The following SUMF1 variants were observed in gnomAD, a reference collection of about 807,000 sequenced individuals.
SUMF1 encodes the protein formylglycine-generating enzyme.
In SUMF1, 48 loss-of-function variants were observed where a neutral mutation model predicts 47.6. The observed-to-expected ratio is 1.01, with a 90% CI of 0.80 to 1.28. The LOEUF (loss-of-function observed/expected upper bound fraction) is 1.28, where lower values mean the gene tolerates loss of function less well. SUMF1 is among the 50% of genes most tolerant of loss of function. SUMF1 has a pLI of 0.00. For missense variants in SUMF1, 571 were observed against 485.4 expected, an observed-to-expected ratio of 1.18 and a Z score of -1.66; for synonymous variants, 230 against 192.1, an observed-to-expected ratio of 1.20 and a Z score of -1.63.
chr3:4,161,453 G>C (rs1362283677), intron 8 of SUMF1, among the ~76,000 whole-genome samples: 1 of 152,130 alleles, frequency 6.6e-6, no homozygotes, highest in Non-Finnish European at 1.5e-5. Context: ...CCTGGAGTTG[G>C]AAACCTTAGA....
chr3:4,039,730 G>A (rs1251512523), intron 9 of SUMF1, among the ~76,000 whole-genome samples: 2 of 152,064 alleles, frequency 1.3e-5, no homozygotes, highest in Non-Finnish European at 2.9e-5. Flanking sequence ...TAATTATAAT[G>A]TTTTGTATGG....
intron 8 of SUMF1, among the ~76,000 whole-genome samples, chr3:4,349,561 A>T (rs1699443621): frequency 6.6e-6 from 1 of 152,252 alleles, no homozygotes; most frequent in South Asian, 2.1e-4. Context: ...ACTATTTACG[A>T]TAGCAAAGAC....
At chr3:4,368,797 C>T (rs1249402048) in intron 8 of SUMF1, among the ~76,000 whole-genome samples, 5 of 152,168 alleles carry the variant, frequency 3.3e-5, no homozygotes, top group Non-Finnish European at 7.3e-5. Context: ...TCAAAAGCCT[C>T]CACATGCCAA....
At chr3:4,463,478 A>G (rs2079864967) in intron 1 of SUMF1, among the ~76,000 whole-genome samples, 1 of 152,240 alleles carries the variant, frequency 6.6e-6, no homozygotes, top group Non-Finnish European at 1.5e-5. Context: ...TGACAGAGCG[A>G]GACTCCGTCT....
chr3:4,459,063 T>G (rs1251013925), intron 1 of SUMF1, among the ~76,000 whole-genome samples: 1 of 152,140 alleles, frequency 6.6e-6, no homozygotes, highest in African/African-American at 2.4e-5. Flanking sequence ...AAAGGAAAGA[T>G]GTTGATCAGA....
intron 8 of SUMF1, among the ~76,000 whole-genome samples, chr3:4,096,079 G>A (rs929993987): frequency 5.3e-5 from 8 of 152,158 alleles, no homozygotes; most frequent in African/African-American, 2.4e-5. Flanking sequence ...AATTCTATAT[G>A]AACAAGATAT....
rs567057201 is a variant in SUMF1, at chr3:4,373,838, A to T, written c.1014+2492T>A. Among the ~76,000 whole-genome samples the T allele has an allele frequency of 5.3e-5, 8 of 152,306 alleles. No homozygotes were observed. The South Asian group carries it at 1.7e-3, about 32-fold the overall frequency. The stretch of plus-strand genomic sequence containing the variant: ...TGTATAAAAAAGATAATACATCATG[A>T]CTAAGTGGAATGATACATATCCCAG... On this transcript the variant is annotated intron_variant, in intron 8 of 8. Transcript: ENST00000272902.
At chr3:4,369,720 C>A (rs1162381285) in intron 8 of SUMF1, among the ~76,000 whole-genome samples, 1 of 152,176 alleles carries the variant, frequency 6.6e-6, no homozygotes, top group East Asian at 1.9e-4. Flanking sequence ...CTAGGCCATA[C>A]ATCCAGAAAC....
intron 9 of SUMF1, among the ~76,000 whole-genome samples, chr3:4,066,163 C>T (rs775584175): frequency 1.1e-4 from 17 of 151,716 alleles, no homozygotes; most frequent in Non-Finnish European, 1.6e-4. Context: ...AGCAACACTC[C>T]CCCAGGAACC....
intron 1 of SUMF1, among the ~76,000 whole-genome samples, chr3:4,459,173 T>TA (rs2079744697): frequency 1.3e-5 from 2 of 152,170 alleles, no homozygotes; most frequent in Non-Finnish European, 2.9e-5. Context: ...TCGCAATTAT[T>TA]AAAAAATAGA....
chr3:4,305,399 A>C (rs192948730), intron 8 of SUMF1, among the ~76,000 whole-genome samples: 22 of 152,262 alleles, frequency 1.4e-4, no homozygotes, highest in Admixed American at 3.3e-4. Flanking sequence ...TAGAGACCCA[A>C]GTTTTAATTG....
intron 8 of SUMF1, among the ~76,000 whole-genome samples, chr3:4,300,587 T>A (rs1212910392): frequency 6.6e-6 from 1 of 152,170 alleles, no homozygotes; most frequent in Non-Finnish European, 1.5e-5. Context: ...TTATTATAAT[T>A]TTATGAAAAA....
rs1699770151 is a variant in SUMF1 at position 4,361,870 on chromosome 3, C to G, written c.*274G>C. On this transcript the variant is annotated 3_prime_UTR_variant, in exon 9 of 9. Transcript: ENST00000272902. Reference sequence around the variant, plus strand: ...GCGTAGGACGCGGGCCTCCTGAAGCCTAGCTCAGGGTTCCCTCCACTCCCC... The same window carrying G: ...GCGTAGGACGCGGGCCTCCTGAAGCGTAGCTCAGGGTTCCCTCCACTCCCC... 1 of 435,814 alleles carries G rather than the reference C, an allele frequency of 2.3e-6. No homozygotes were observed. The highest frequency in any genetic ancestry group is 2.2e-5 in the South Asian group (1 of 46,364). 27.0% of individuals were successfully genotyped at this position (435,814 alleles called of 1,614,324 possible).
At chr3:4,204,797 T>C (rs941099022) in intron 8 of SUMF1, among the ~76,000 whole-genome samples, 1 of 151,036 alleles carries the variant, frequency 6.6e-6, no homozygotes, top group South Asian at 2.1e-4. Flanking sequence ...AGTTTGTCAA[T>C]TGACTTTTTC....
At chr3:4,442,287 G>A (rs1006919023) in intron 3 of SUMF1, among the ~76,000 whole-genome samples, 4 of 145,846 alleles carry the variant, frequency 2.7e-5, no homozygotes, top group South Asian at 2.1e-4. Flanking sequence ...ACGGAGTCTC[G>A]CTCTGTCGCC....
chr3:4,421,164 G>A (rs570085328), intron 3 of SUMF1, among the ~76,000 whole-genome samples: 2 of 152,178 alleles, frequency 1.3e-5, no homozygotes, highest in African/African-American at 4.8e-5. Context: ...ACAGGCTTTG[G>A]AGCCAGTCAA....
intron 8 of SUMF1, among the ~76,000 whole-genome samples, chr3:4,150,461 C>T (rs575901102): frequency 2.6e-5 from 4 of 151,156 alleles, no homozygotes; most frequent in Non-Finnish European, 5.9e-5. Context: ...ACTTGGGAGG[C>T]TAAGGCAGGA....
chr3:4,369,045 A>T (rs1418850379), intron 8 of SUMF1, among the ~76,000 whole-genome samples: 1 of 56,120 alleles, frequency 1.8e-5, no homozygotes, highest in Non-Finnish European at 5.0e-5. Flanking sequence ...GGCATGCAAA[A>T]GGTTTTTTTT....
chr3:4,251,565 A>G (rs1419136386), intron 8 of SUMF1, among the ~76,000 whole-genome samples: 1 of 152,228 alleles, frequency 6.6e-6, no homozygotes, highest in Non-Finnish European at 1.5e-5. Flanking sequence ...AAGTCCATTG[A>G]TGTGGCAAGC....
Sources: allele counts gnomAD v4.1 joint callset (sites outside exome capture counted in the v4.1 genomes callset), GRCh38; gene constraint gnomAD v4.1.1; transcripts MANE v1.5; gene names NCBI Gene and HGNC (gene_info 2026-07-23, HGNC 2026-07-21).